Variants in MYH9 observed in about 807,000 individuals in gnomAD.
The protein encoded by MYH9 is myosin-9.
Under a neutral mutation model 241.9 loss-of-function variants are expected in MYH9, and 29 were observed. That is an observed-to-expected ratio of 0.12 (90% confidence interval 0.09 to 0.16). The LOEUF is 0.16. Among genes scored for constraint, MYH9 ranks in the 10% least tolerant of loss-of-function variants. MYH9 has a pLI of 1.00. For synonymous variants in MYH9, 1,047 were observed against 1,062.6 expected (o/e 0.99, Z 0.29); for missense variants, 1,803 against 2,595.5 (o/e 0.69, Z 6.63).
intron 1 of MYH9, among the ~76,000 whole-genome samples, chr22:36,372,877 C>T (rs766094504): frequency 1.3e-5 from 2 of 152,062 alleles, no homozygotes; most frequent in East Asian, 1.9e-4. Context: ...AGTGGGGAGC[C>T]GGGGTTGGGG....
intron 34 of MYH9, among the ~76,000 whole-genome samples, chr22:36,287,939 G>A (rs1458950165): frequency 1.3e-5 from 2 of 152,188 alleles, no homozygotes; most frequent in South Asian, 4.1e-4. Flanking sequence ...GTCAGGACCC[G>A]GGTGATTCTG....
At chr22:36,385,667 G>A (rs1348991899) in intron 1 of MYH9, among the ~76,000 whole-genome samples, 2 of 152,140 alleles carry the variant, frequency 1.3e-5, no homozygotes, top group African/African-American at 4.8e-5. Flanking sequence ...CTCCGGGGCT[G>A]GGGAGCTCCC....
Position 36,300,839 on chromosome 22 carries a change from G to T in MYH9, c.2838+12C>A, listed in dbSNP as rs1202216300. 3.8e-6 allele frequency: 6 copies of T among 1,599,656 alleles called. No individual in the cohort carries two copies. The Admixed American group carries it at 5.0e-5, about 13-fold the overall frequency. ...CCGGCGCCACCCCTCCCCGGGTGCA[G>T]CGGGCAGGAACCTGGATGTTCTGCT... On this transcript the variant is annotated intron_variant, in intron 22 of 40. Transcript: ENST00000216181. The surrounding 1 kb of genome is among the most constrained non-coding windows in gnomAD (Gnocchi z 5.0).
At chr22:36,286,903 C>T in intron 34 of MYH9, 57 bp from the exon 35 acceptor site, 4 of 1,599,568 alleles carry the variant, frequency 2.5e-6, no homozygotes, top group Non-Finnish European at 3.4e-6. Context: ...TCCACCCCAA[C>T]CCTCATGGGT....
At chr22:36,384,614 ATATATATATATATATATATATATAT>A (rs2018318888) in intron 1 of MYH9, among the ~76,000 whole-genome samples, 1 of 18,662 alleles carries the variant, frequency 5.4e-5, no homozygotes, top group Non-Finnish European at 8.5e-5. Context: ...AAAAAAAAAT[ATATATATATATATATATATATATAT>A]ATATATATAT....
rs773127242 is a variant in MYH9 at position 36,349,099 on chromosome 22, G to A, written c.138C>T (p.Leu46=). The A allele has an allele frequency of 6.2e-7, 1 of 1,614,174 alleles. No individual in the cohort carries two copies. The highest frequency in any genetic ancestry group is 1.1e-5 in the South Asian group (1 of 91,072). ...SDKSGFEPAS[L]KEEVGEEAIV... ...TGGCCTCTTCGCCCACCTCCTCCTT[G>A]AGGCTGGCTGGCTCAAAGCCACTCT... Residue 46 remains leucine, a synonymous_variant, in exon 2 of 41, where the codon CTC becomes CTT. Transcript: ENST00000216181.
At chr22:36,372,433 A>T (rs1199554955) in intron 1 of MYH9, among the ~76,000 whole-genome samples, 1 of 151,314 alleles carries the variant, frequency 6.6e-6, no homozygotes, top group Non-Finnish European at 1.5e-5. Context: ...AGGCTGCAAT[A>T]AGCTATGATT....
At position 36,314,129 on chromosome 22, in the gene MYH9, C is replaced by G. The variant is rs1391813035; in HGVS notation, c.1554+16G>C. 1.2e-6 allele frequency: 2 copies of G among 1,613,018 alleles called. No homozygotes were observed. The highest frequency in any genetic ancestry group is 1.7e-6 in the Non-Finnish European group (2 of 1,179,064). On this transcript the variant is annotated intron_variant, in intron 13 of 40. Coordinates refer to ENST00000216181, the MANE Select transcript of MYH9 (RefSeq NM_002473.6). Reference sequence around the variant, plus strand: ...GCCAGAGGCAGGTGTGAGGTCAAAGCAAGCCTGGTACTCACTGGCTTCTCA... The same window carrying G: ...GCCAGAGGCAGGTGTGAGGTCAAAGGAAGCCTGGTACTCACTGGCTTCTCA...
intron 1 of MYH9, among the ~76,000 whole-genome samples, chr22:36,357,224 G>A (rs1346085788): frequency 2.0e-5 from 3 of 152,322 alleles, no homozygotes; most frequent in East Asian, 3.9e-4. Flanking sequence ...AGCGAAGAGT[G>A]TCATGGAGGA....
chr22:36,323,342 C>T (rs9610491), intron 5 of MYH9, among the ~76,000 whole-genome samples: 2,404 of 152,366 alleles, frequency 0.016, 38 homozygotes, highest in Middle Eastern at 0.054. Flanking sequence ...CCTAACCTGT[C>T]AGCCACTGCC....
At chr22:36,381,129 T>C (rs2018249249) in intron 1 of MYH9, among the ~76,000 whole-genome samples, 1 of 152,086 alleles carries the variant, frequency 6.6e-6, no homozygotes, top group Admixed American at 6.6e-5. Flanking sequence ...CCTAAAGCAA[T>C]GCACTTTAAA....
intron 34 of MYH9, among the ~76,000 whole-genome samples, chr22:36,287,703 C>G (rs937878010): frequency 1.3e-5 from 2 of 152,262 alleles, no homozygotes; most frequent in Non-Finnish European, 2.9e-5. Context: ...GATCATGCCA[C>G]TGCACTCCAG....
At chr22:36,340,760 A>G (rs905569496) in intron 3 of MYH9, among the ~76,000 whole-genome samples, 1 of 152,054 alleles carries the variant, frequency 6.6e-6, no homozygotes, top group Admixed American at 6.6e-5. Context: ...TTAGCAACAC[A>G]CAGGTCATAC....
intron 1 of MYH9, among the ~76,000 whole-genome samples, chr22:36,386,498 G>A (rs2018352963): frequency 6.6e-6 from 1 of 152,206 alleles, no homozygotes; most frequent in African/African-American, 2.4e-5. Context: ...GTGCTGCGCT[G>A]CACGGAGAAG....
chr22:36,296,093 G>A (rs907970881), intron 25 of MYH9, among the ~76,000 whole-genome samples: 5 of 152,176 alleles, frequency 3.3e-5, no homozygotes, highest in South Asian at 2.1e-4. Context: ...ACAGGTCAAC[G>A]TAGGTTCACC....
At chr22:36,307,335 A>G (rs1020447046) in intron 15 of MYH9, among the ~76,000 whole-genome samples, 13 of 152,200 alleles carry the variant, frequency 8.5e-5, no homozygotes, top group African/African-American at 2.9e-4. Flanking sequence ...AGCAGCAATT[A>G]AACCAATTGC....
rs1443684692 is a variant in MYH9, at chr22:36,285,283, T to C, written c.5321A>G (p.Gln1774Arg). 3 of 1,613,626 alleles carry C rather than the reference T, an allele frequency of 1.9e-6. No individual in the cohort carries two copies. The highest frequency in any genetic ancestry group is 2.5e-6 in the Non-Finnish European group (3 of 1,180,038). Residue 1774 changes from glutamine (Q) to arginine (R), a missense_variant, in exon 38 of 41, where the codon CAG (glutamine) becomes CGG (arginine). Gln to Arg is a conservative substitution (Grantham distance 43). This residue lies in a region of MYH9 where 876 missense variants were observed against 1,077.8 expected (regional missense o/e 0.81). Transcript: ENST00000216181. The surrounding 1 kb of genome is among the most constrained non-coding windows in gnomAD (Gnocchi z 7.0). ...CTGCTGCCGAGCATTCTCGTTCTTCTGGGCGTGGCTGCGCTCCAGGTTCAG... is the reference window on the plus strand; with the variant it reads ...CTGCTGCCGAGCATTCTCGTTCTTCCGGGCGTGGCTGCGCTCCAGGTTCAG... ...TDLNLERSHA[Q>R]KNENARQQLE...
intron 24 of MYH9, 142 bp from the exon 25 acceptor site, chr22:36,297,156 A>C: frequency 1.1e-6 from 1 of 899,400 alleles, no homozygotes; most frequent in African/African-American, 1.7e-5. Flanking sequence ...CTCGCACCCA[A>C]CTCCTGGATG....
At chr22:36,351,630 G>C (rs1333653978) in intron 1 of MYH9, among the ~76,000 whole-genome samples, 1 of 151,990 alleles carries the variant, frequency 6.6e-6, no homozygotes. Context: ...GGCACCCCTA[G>C]GGTCCCAGCA....
Sources: gnomAD v4.1 joint callset for allele counts (sites outside exome capture counted in the v4.1 genomes callset) on GRCh38, gnomAD v4.1.1 for gene constraint, gnomAD v4.1.1 regional missense constraint, Gnocchi (gnomAD v3.1) non-coding constraint, MANE v1.5 for transcripts, NCBI Gene and HGNC (gene_info 2026-07-23, HGNC 2026-07-21) for gene names.